Variants in INTS2 observed in about 807,000 individuals in gnomAD.
INTS2 encodes integrator complex subunit 2, also known as KIAA1287.
In INTS2, 57 loss-of-function variants were observed where a neutral mutation model predicts 139.6. That is an observed-to-expected ratio of 0.41 (90% CI 0.33 to 0.51). The LOEUF (loss-of-function observed/expected upper bound fraction) is 0.51, where lower values mean the gene tolerates loss of function less well. INTS2 is among the 20% of genes least tolerant of loss of function. The pLI, the probability that INTS2 is intolerant of heterozygous loss-of-function variation, is 0.28. For synonymous variants in INTS2, 473 were observed against 493.4 expected, an observed-to-expected ratio of 0.96 and a Z score of 0.55; for missense variants, 1,196 against 1,436.7, an observed-to-expected ratio of 0.83 and a Z score of 2.71.
chr17:61,902,047 G>A (rs1369659641), intron 9 of INTS2, among the ~76,000 whole-genome samples: 1 of 152,184 alleles, frequency 6.6e-6, no homozygotes, highest in Non-Finnish European at 1.5e-5. Context: ...TCAGGACTTT[G>A]AAGGTGTTGC....
chr17:61,922,744 T>C (rs1158980108), intron 3 of INTS2, among the ~76,000 whole-genome samples: 1 of 151,754 alleles, frequency 6.6e-6, no homozygotes, highest in Non-Finnish European at 1.5e-5. Context: ...AGTGAGGTAT[T>C]ACGGAAAAGA....
At chr17:61,891,011 A>AAAG (rs1440125821) in intron 14 of INTS2, among the ~76,000 whole-genome samples, 1 of 95,394 alleles carries the variant, frequency 1.0e-5, no homozygotes, top group African/African-American at 4.0e-5. Context: ...AAAAAAAAAA[A>AAAG]GGCCAGGCAC....
rs1206591322 is a variant in INTS2 at position 61,897,076 on chromosome 17, T to C, written c.1494+393A>G. Among the ~76,000 whole-genome samples, 1 of 152,172 alleles carries C rather than the reference T, an allele frequency of 6.6e-6. No homozygotes were observed. The highest frequency in any genetic ancestry group is 2.4e-5 in the African/African-American group (1 of 41,460). ...ATTAAGAAGATCAAACAATGGACTA[T>C]AAGACAATGCAGTCATTAAAAATTA... On this transcript the variant is annotated intron_variant, in intron 11 of 24. Transcript: ENST00000251334. The surrounding 1 kb of genome is among the most constrained non-coding windows in gnomAD (Gnocchi z 4.4).
intron 5 of INTS2, among the ~76,000 whole-genome samples, chr17:61,915,912 G>C (rs565534142): frequency 6.6e-6 from 1 of 150,920 alleles, no homozygotes; most frequent in South Asian, 2.1e-4. Flanking sequence ...CTTTAAAATG[G>C]CCATATTGCC....
chr17:61,920,379 A>C (rs1313027280), intron 4 of INTS2, among the ~76,000 whole-genome samples: 1 of 151,482 alleles, frequency 6.6e-6, no homozygotes, highest in African/African-American at 2.4e-5. Flanking sequence ...ACAGGGTTTC[A>C]CCATGTTGAC....
In INTS2 at chr17:61,867,284, A is replaced by G. The variant is rs938070275; in HGVS notation, c.*273T>C. 1.9e-5 allele frequency: 4 copies of G among 215,000 alleles called. No homozygotes were observed. Among genetic ancestry groups the G allele is most frequent in the Non-Finnish European group, 3.6e-5 (4 of 109,966 alleles). The allele number at this position is 215,000 out of a possible 1,614,324, so 13.3% of individuals were successfully genotyped here. The stretch of plus-strand genomic sequence containing the variant: ...TACAAGGCCAAATTCCCTTTCCAAT[A>G]ATGAGTTTCTTACATGTGTTCCCAG... On this transcript the variant is annotated 3_prime_UTR_variant, in exon 25 of 25. Coordinates refer to ENST00000251334, the MANE Select transcript of INTS2 (RefSeq NM_001351695.2). This position sits in a 1 kb window ranked among gnomAD's most constrained non-coding sequence, Gnocchi z 5.6.
chr17:61,885,078 G>T, intron 15 of INTS2, 73 bp from the exon 16 acceptor site: 1 of 994,400 alleles, frequency 1.0e-6, no homozygotes, highest in Non-Finnish European at 1.5e-6. Flanking sequence ...CAACCCAAAT[G>T]GAAACAAAAA....
intron 8 of INTS2, among the ~76,000 whole-genome samples, chr17:61,905,741 A>T (rs1209432143): frequency 6.6e-6 from 1 of 152,104 alleles, no homozygotes; most frequent in Non-Finnish European, 1.5e-5. Context: ...CTTATTGCCC[A>T]GGCCGGACTG....
intron 3 of INTS2, 129 bp downstream of exon 3, chr17:61,924,830 CAA>C: frequency 2.3e-6 from 2 of 857,444 alleles, no homozygotes; most frequent in Non-Finnish European, 3.5e-6. Flanking sequence ...ACTCCGTCTC[CAA>C]AAAAAAAGAA....
Position 61,869,254 on chromosome 17 carries a change from G to T in INTS2, c.3138+19C>A. ...GGAGAGAGAGATCAATTGTCCTAAAGCTCCAAAATGCTCATTACCTGTTTC... is the reference window on the plus strand; with the variant it reads ...GGAGAGAGAGATCAATTGTCCTAAATCTCCAAAATGCTCATTACCTGTTTC... On this transcript the variant is annotated intron_variant, in intron 22 of 24. Transcript: ENST00000251334. The surrounding 1 kb of genome is among the most constrained non-coding windows in gnomAD (Gnocchi z 5.4). The T allele has an allele frequency of 6.5e-7, 1 of 1,546,402 alleles. No homozygotes were observed. The highest frequency in any genetic ancestry group is 1.4e-5 in the African/African-American group (1 of 73,428).
At chr17:61,904,881 T>C (rs1019546528) in intron 8 of INTS2, among the ~76,000 whole-genome samples, 5 of 152,036 alleles carry the variant, frequency 3.3e-5, no homozygotes, top group African/African-American at 1.2e-4. Context: ...GTGAAAAGTA[T>C]GGTTGTACTG....
At position 61,867,473 on chromosome 17, in the gene INTS2, C is replaced by T; in HGVS notation, c.*84G>A. The T allele has an allele frequency of 1.4e-6, 1 of 736,780 alleles. No individual in the cohort carries two copies. Among genetic ancestry groups the T allele is most frequent in the Admixed American group, 2.8e-5 (1 of 36,226 alleles). 45.6% of individuals were successfully genotyped at this position (736,780 alleles called of 1,614,324 possible). A position where few individuals can be genotyped will look rare whatever the true frequency, so the allele number is the denominator to read the frequency against. ...ATTCCAAGACAATACTTTACTGTTC[C>T]CATTCAGTTTAGAGTTGTTACTAAT... is the stretch of plus-strand genomic sequence containing the variant. On this transcript the variant is annotated 3_prime_UTR_variant, in exon 25 of 25. Coordinates refer to ENST00000251334, the MANE Select transcript of INTS2 (RefSeq NM_001351695.2). The surrounding 1 kb of genome is among the most constrained non-coding windows in gnomAD (Gnocchi z 5.6).
At chr17:61,886,120 G>A (rs2079226490) in intron 15 of INTS2, among the ~76,000 whole-genome samples, 1 of 151,690 alleles carries the variant, frequency 6.6e-6, no homozygotes, top group East Asian at 1.9e-4. Context: ...GTTCAATCTT[G>A]GCTCACTGCA....
At chr17:61,888,919 G>A (rs779802643) in intron 15 of INTS2, among the ~76,000 whole-genome samples, 5 of 151,972 alleles carry the variant, frequency 3.3e-5, no homozygotes, top group Admixed American at 1.3e-4. Flanking sequence ...CAGCTACGCC[G>A]GAGGCTGAGG....
intron 15 of INTS2, among the ~76,000 whole-genome samples, chr17:61,888,665 C>A (rs1282271649): frequency 1.3e-5 from 2 of 151,846 alleles, no homozygotes; most frequent in Non-Finnish European, 2.9e-5. Context: ...CTCAGCCTCC[C>A]AAAGTACCAA....
intron 5 of INTS2, among the ~76,000 whole-genome samples, chr17:61,915,489 GCACTCC>G (rs1567916272): frequency 1.3e-5 from 2 of 150,606 alleles, no homozygotes; most frequent in East Asian, 2.0e-4. Context: ...TTGCGCCACT[GCACTCC>G]AGCCTGTGAA....
In INTS2 at chr17:61,926,648, T is replaced by C. The variant is rs747551369; in HGVS notation, c.-4A>G. ...GAAGACTTGTACATTCAGTCATTAT[T>C]ACTGTTTGTTGATCCTAATGGTAAA... On this transcript the variant is annotated 5_prime_UTR_variant, in exon 2 of 25. Transcript: ENST00000251334. The C allele has an allele frequency of 6.2e-7, 1 of 1,603,480 alleles. No homozygotes were observed. Among genetic ancestry groups the C allele is most frequent in the South Asian group, 1.1e-5 (1 of 89,438 alleles).
intron 9 of INTS2, among the ~76,000 whole-genome samples, chr17:61,899,280 C>T (rs535459212): frequency 3.3e-5 from 5 of 151,920 alleles, no homozygotes; most frequent in Admixed American, 2.0e-4. Context: ...TGAGAAGTTT[C>T]GCTCTTGTTG....
intron 9 of INTS2, among the ~76,000 whole-genome samples, chr17:61,900,118 A>G (rs1456470872): frequency 2.6e-5 from 4 of 152,206 alleles, no homozygotes; most frequent in Non-Finnish European, 5.9e-5. Context: ...ACTGGAAGCT[A>G]GAGAATATAT....
Sources: gnomAD v4.1 joint callset for allele counts (sites outside exome capture counted in the v4.1 genomes callset) on GRCh38, gnomAD v4.1.1 for gene constraint, Gnocchi (gnomAD v3.1) non-coding constraint, MANE v1.5 for transcripts, NCBI Gene and HGNC (gene_info 2026-07-23, HGNC 2026-07-21) for gene names.